Variants in SMCHD1 observed in about 807,000 individuals in gnomAD.
The protein encoded by SMCHD1 is structural maintenance of chromosomes flexible hinge domain-containing protein 1.
Under a neutral mutation model 254.7 loss-of-function variants are expected in SMCHD1, and 78 were observed. The observed-to-expected ratio is 0.31, with a 90% CI of 0.26 to 0.37. The LOEUF is 0.37. Among genes scored for constraint, SMCHD1 ranks in the 10% least tolerant of loss-of-function variants. The pLI is 1.00. For missense variants in SMCHD1, 1,840 were observed against 2,408.1 expected (o/e 0.76, Z 4.94); for synonymous variants, 766 against 794.9 (o/e 0.96, Z 0.61).
At chr18:2,748,652 C>A in intron 30 of SMCHD1, among the ~76,000 whole-genome samples, 1 of 151,898 alleles carries the variant, frequency 6.6e-6, no homozygotes, top group African/African-American at 2.4e-5. Flanking sequence ...GCCTTGGTCT[C>A]CCAAAGTGCT....
intron 1 of SMCHD1, among the ~76,000 whole-genome samples, chr18:2,663,986 A>T (rs1264067221): frequency 6.6e-6 from 1 of 152,134 alleles, no homozygotes; most frequent in Non-Finnish European, 1.5e-5. Context: ...AAGTGCTGGG[A>T]TTACAGGTTT....
At chr18:2,725,039 T>C (rs1347396816) in intron 21 of SMCHD1, 44 bp downstream of exon 21, 1 of 1,126,334 alleles carries the variant, frequency 8.9e-7, no homozygotes, top group African/African-American at 1.6e-5. Flanking sequence ...TAAGTATTTA[T>C]TTATCATATG....
chr18:2,770,993 C>G (rs950592172), intron 39 of SMCHD1, among the ~76,000 whole-genome samples: 1 of 152,172 alleles, frequency 6.6e-6, no homozygotes, highest in Admixed American at 6.5e-5. Flanking sequence ...TGTGCTCTAT[C>G]ATCTCTTCCC....
At position 2,729,455 on chromosome 18, in the gene SMCHD1, CAAAT is replaced by C. The variant is rs565683777; in HGVS notation, c.3048+48_3048+51del. On this transcript the variant is annotated intron_variant, in intron 24 of 47. Coordinates refer to ENST00000320876, the MANE Select transcript of SMCHD1 (RefSeq NM_015295.3). The stretch of plus-strand genomic sequence containing the variant: ...ATTGATATTATATTGAGTCTTCATA[CAAAT>C]AGTCTTCAACTGCTTAATAACATTT... The C allele has an allele frequency of 2.5e-3, 3,427 of 1,351,906 alleles. 16 individuals are homozygous for C. The highest frequency in any genetic ancestry group is 8.5e-3 in the Middle Eastern group (32 of 3,776). 83.7% of individuals were successfully genotyped at this position (1,351,906 alleles called of 1,614,324 possible). A position where few individuals can be genotyped will look rare whatever the true frequency, so the allele number is the denominator to read the frequency against.
At chr18:2,750,904 T>C (rs1445084667) in intron 32 of SMCHD1, among the ~76,000 whole-genome samples, 2 of 152,126 alleles carry the variant, frequency 1.3e-5, no homozygotes, top group Admixed American at 1.3e-4. Flanking sequence ...TTTCCTGTGA[T>C]TAAAAAATTA....
intron 45 of SMCHD1, among the ~76,000 whole-genome samples, 159 bp from the exon 46 acceptor site, chr18:2,795,789 CT>C (rs1301275373): frequency 6.6e-6 from 1 of 152,104 alleles, no homozygotes; most frequent in Admixed American, 6.6e-5. Context: ...CTTAACTATG[CT>C]TTTTTATTTC....
rs936580721 is a variant in SMCHD1 at position 2,803,874 on chromosome 18, T to A, written c.*1322T>A. On this transcript the variant is annotated 3_prime_UTR_variant, in exon 48 of 48. Coordinates refer to ENST00000320876, the MANE Select transcript of SMCHD1 (RefSeq NM_015295.3). The stretch of plus-strand genomic sequence containing the variant: ...TTGGTTTTTTGTGGGGTTTTTAAAT[T>A]ATTATTTTGGAATATTTGCATTATA... 1 of 152,182 alleles carries A rather than the reference T, an allele frequency of 6.6e-6. No individual in the cohort carries two copies. The highest frequency in any genetic ancestry group is 1.5e-5 in the Non-Finnish European group (1 of 68,024). 9.4% of individuals were successfully genotyped at this position (152,182 alleles called of 1,614,324 possible). A position where few individuals can be genotyped will look rare whatever the true frequency, so the allele number is the denominator to read the frequency against.
At position 2,784,439 on chromosome 18, in the gene SMCHD1, A is replaced by C. The variant is rs1169569577; in HGVS notation, c.5548-11A>C. On this transcript the variant is annotated splice_polypyrimidine_tract_variant and intron_variant, in intron 44 of 47. Transcript: ENST00000320876. ...GTTGCTCACTACTTACTATTCACTT[A>C]TTTACAATAGGTTGTTAAAATTACA... 3.1e-6 allele frequency: 5 copies of C among 1,596,278 alleles called. No homozygotes were observed. The highest frequency in any genetic ancestry group is 4.3e-6 in the Non-Finnish European group (5 of 1,172,374).
At chr18:2,741,731 T>G (rs1351943937) in intron 28 of SMCHD1, among the ~76,000 whole-genome samples, 2 of 152,214 alleles carry the variant, frequency 1.3e-5, no homozygotes, top group East Asian at 1.9e-4. Flanking sequence ...GCTCCTGTTA[T>G]GAATAAACAA....
In SMCHD1 at chr18:2,763,869, T is replaced by G. The variant is rs1025992447; in HGVS notation, c.4719+80T>G. ...CACCATATTAAGACACCTTTTCTTT[T>G]GTATAGCTATGAAGATGTTCTAATC... On this transcript the variant is annotated intron_variant, in intron 37 of 47. Coordinates refer to ENST00000320876, the MANE Select transcript of SMCHD1 (RefSeq NM_015295.3). 9 of 1,280,856 alleles carry G rather than the reference T, an allele frequency of 7.0e-6. No homozygotes were observed. In the African/African-American group the frequency reaches 1.1e-4, roughly 15 times the overall value. The allele number at this position is 1,280,856 out of a possible 1,614,324, so 79.3% of individuals were successfully genotyped here.
chr18:2,656,144 C>T lies in SMCHD1; in HGVS notation c.69C>T (p.Val23=). 2.7e-6 allele frequency: 4 copies of T among 1,499,910 alleles called. No individual in the cohort carries two copies. The highest frequency in any genetic ancestry group is 1.3e-5 in the South Asian group (1 of 76,594). The allele number at this position is 1,499,910 out of a possible 1,614,324, so 92.9% of individuals were successfully genotyped here. Residue 23 remains valine, a synonymous_variant, in exon 1 of 48, where the codon GTC becomes GTT. Coordinates refer to ENST00000320876, the MANE Select transcript of SMCHD1 (RefSeq NM_015295.3). ...SVGTEEDGGG[V]GHRTVYLFDR... ...GGACTGAGGAGGATGGCGGAGGCGT[C>T]GGCCACAGGACGGTGTACTTGTTTG...
At chr18:2,778,890 G>C (rs937102068) in intron 44 of SMCHD1, 1 of 152,220 alleles carries the variant, frequency 6.6e-6, no homozygotes, top group African/African-American at 2.4e-5. Flanking sequence ...TCCAAATAAT[G>C]TCACATTCTG....
rs1305091124 is a variant in SMCHD1 at position 2,760,681 on chromosome 18, C to T, written c.4376C>T (p.Thr1459Ile). 6.3e-7 allele frequency: 1 copy of T among 1,593,238 alleles called. No homozygotes were observed. The highest frequency in any genetic ancestry group is 2.2e-5 in the East Asian group (1 of 44,600). The change falls in exon 35 of 48, where the codon ACA becomes ATA. Residue 1459 changes from threonine (T) to isoleucine (I), a missense_variant. Transcript: ENST00000320876. The part of the protein sequence containing the change: ...RDKVIPNKVG[T>I]YCIQFGFMMD... ...AAAGTAATTCCTAATAAAGTGGGGA[C>T]ATATTGTATCCAGTTTGGTTTTATG...
Position 2,666,221 on chromosome 18 carries a change from G to C in SMCHD1, c.251G>C (p.Cys84Ser), listed in dbSNP as rs367836890. 7 of 1,525,822 alleles carry C rather than the reference G, an allele frequency of 4.6e-6. No individual in the cohort carries two copies. The highest frequency in any genetic ancestry group is 6.3e-6 in the Non-Finnish European group (7 of 1,108,406). 94.5% of individuals were successfully genotyped at this position (1,525,822 alleles called of 1,614,324 possible). A position where few individuals can be genotyped will look rare whatever the true frequency, so the allele number is the denominator to read the frequency against. Residue 84 changes from cysteine to serine, a missense_variant, in exon 2 of 48, where the codon TGT (cysteine) becomes TCT (serine). Cys to Ser is a moderately radical substitution (Grantham distance 112, BLOSUM62 -1). Coordinates refer to ENST00000320876, the MANE Select transcript of SMCHD1 (RefSeq NM_015295.3). ...ACAACAAGTAGGAAAGAAATTACCT[G>C]TGATAATTTTGGTAGGTAAACAGTG... ...ITTTSRKEIT[C>S]DNFDETVKDG...
chr18:2,750,314 T>G, intron 31 of SMCHD1, 36 bp from the exon 32 acceptor site: 1 of 1,570,696 alleles, frequency 6.4e-7, no homozygotes, highest in Non-Finnish European at 8.6e-7. Context: ...TATTAACTAA[T>G]GTAATTTGAA....
chr18:2,762,094 T>A lies in SMCHD1; in HGVS notation c.4435-11T>A. ...ATATTGTTAATCAGAATGTCTCTTT[T>A]GTTTTGTAAGGTTATAGTTGAAGTC... On this transcript the variant is annotated splice_polypyrimidine_tract_variant and intron_variant, in intron 35 of 47. Coordinates refer to ENST00000320876, the MANE Select transcript of SMCHD1 (RefSeq NM_015295.3). 6.2e-7 allele frequency: 1 copy of A among 1,611,892 alleles called. No individual in the cohort carries two copies. The highest frequency in any genetic ancestry group is 8.5e-7 in the Non-Finnish European group (1 of 1,178,426).
chr18:2,710,746 C>CT (rs2074647843), intron 17 of SMCHD1, among the ~76,000 whole-genome samples: 1 of 152,102 alleles, frequency 6.6e-6, no homozygotes, highest in African/African-American at 2.4e-5. Flanking sequence ...TGTCCTGTTC[C>CT]TGATGTTAGA....
In SMCHD1 at chr18:2,655,881, G is replaced by A; in HGVS notation, c.-195G>A. 1 of 375,120 alleles carries A rather than the reference G, an allele frequency of 2.7e-6. No homozygotes were observed. The allele number at this position is 375,120 out of a possible 1,614,324, so 23.2% of individuals were successfully genotyped here. On this transcript the variant is annotated 5_prime_UTR_variant, in exon 1 of 48. Transcript: ENST00000320876. The stretch of plus-strand genomic sequence containing the variant: ...AGTGACGTGGTGCACGGGCAGGAGC[G>A]CGTTTGAATCGGTTCCCGGGTGATC...
At chr18:2,743,024 T>C (rs1227793384) in intron 28 of SMCHD1, among the ~76,000 whole-genome samples, 1 of 152,012 alleles carries the variant, frequency 6.6e-6, no homozygotes, top group East Asian at 1.9e-4. Context: ...GAAACAAAAA[T>C]AAAATTTTGA....
Sources: allele counts gnomAD v4.1 joint callset (sites outside exome capture counted in the v4.1 genomes callset), GRCh38; gene constraint gnomAD v4.1.1; transcripts MANE v1.5; gene names NCBI Gene and HGNC (gene_info 2026-07-23, HGNC 2026-07-21).